EPN1: variants seen among roughly 807,000 people sequenced by gnomAD.
EPN1 encodes the protein epsin-1.
EPN1 carries 25 observed loss-of-function variants against 56.9 expected under a neutral mutation model. That is an observed-to-expected ratio of 0.44 (90% CI 0.32 to 0.61). EPN1 has a LOEUF of 0.61. EPN1 is among the 20% of genes least tolerant of loss of function. The pLI is 0.05. For missense variants in EPN1, 785 were observed against 823.7 expected, an observed-to-expected ratio of 0.95 and a Z score of 0.58; for synonymous variants, 411 against 361.8, an observed-to-expected ratio of 1.14 and a Z score of -1.54.
chr19:55,694,932 C>T lies in EPN1; in HGVS notation c.1471C>T (p.Pro491Ser). 1 of 1,564,568 alleles carries T rather than the reference C, an allele frequency of 6.4e-7. No individual in the cohort carries two copies. The change falls in exon 10 of 11, where the codon CCG becomes TCG. Residue 491 changes from proline to serine, a missense_variant. Transcript: ENST00000270460. This position sits in a 1 kb window ranked among gnomAD's most constrained non-coding sequence, Gnocchi z 4.2. ...CGACCTGGACTCGCTGGTGAGCCGG[C>T]CGGGCCCCACGCCGCCTGGAGCCAA... ...LVDLDSLVSR[P>S]GPTPPGAKAS...
Position 55,704,960 on chromosome 19 carries a change from A to G in EPN1, c.*9604A>G, listed in dbSNP as rs1987324179. The G allele has an allele frequency of 3.3e-5, 5 of 152,344 alleles. No individual in the cohort carries two copies. Among genetic ancestry groups the G allele is most frequent in the Admixed American group, 2.6e-4 (4 of 15,290 alleles). The allele number at this position is 152,344 out of a possible 1,614,324, so 9.4% of individuals were successfully genotyped here. On this transcript the variant is annotated 3_prime_UTR_variant, in exon 11 of 11. Coordinates refer to ENST00000270460, the MANE Select transcript of EPN1 (RefSeq NM_001130072.2). ...TGAATGCTGTTCTCATCCACTTCCC[A>G]AGCATCTCTGGCTGAATGCTGTTCT...
In EPN1 at chr19:55,685,393, C is replaced by T. The variant is rs1198392705; in HGVS notation, c.229-3C>T. The T allele has an allele frequency of 3.1e-6, 5 of 1,609,488 alleles. No homozygotes were observed. The East Asian group carries it at 1.1e-4, about 36-fold the overall frequency. On this transcript the variant is annotated splice_region_variant and splice_polypyrimidine_tract_variant and intron_variant, in intron 2 of 10. Transcript: ENST00000270460. ...GACCGGGCATCCCCGTGCCCGCTCG[C>T]AGGCCATGACGCTGATGGAGTACCT...
chr19:55,678,565 G>T lies in EPN1; in HGVS notation c.-63G>T. 1 of 1,555,062 alleles carries T rather than the reference G, an allele frequency of 6.4e-7. No individual in the cohort carries two copies. Among genetic ancestry groups the T allele is most frequent in the Non-Finnish European group, 8.7e-7 (1 of 1,152,318 alleles). On this transcript the variant is annotated 5_prime_UTR_variant, in exon 2 of 11. Coordinates refer to ENST00000270460, the MANE Select transcript of EPN1 (RefSeq NM_001130072.2). ...CCAGCACCTGCCGCAGCCTTCGTCC[G>T]GGAGTCGCCCCATCTCTCCACGCAT...
Position 55,689,201 on chromosome 19 carries a change from A to G in EPN1, c.604-96A>G, listed in dbSNP as rs1170304175. On this transcript the variant is annotated intron_variant, in intron 4 of 10. Transcript: ENST00000270460. This position sits in a 1 kb window ranked among gnomAD's most constrained non-coding sequence, Gnocchi z 5.7. ...GTCCCTCACTGGTTCAGGGACCCCC[A>G]GCCCTCTCTTTCTTCGGCTCTATCT... 2 of 1,160,138 alleles carry G rather than the reference A, an allele frequency of 1.7e-6. No homozygotes were observed. The highest frequency in any genetic ancestry group is 2.5e-6 in the Non-Finnish European group (2 of 805,580). The allele number at this position is 1,160,138 out of a possible 1,614,324, so 71.9% of individuals were successfully genotyped here.
intron 3 of EPN1, among the ~76,000 whole-genome samples, chr19:55,686,822 G>T (rs539266512): frequency 1.3e-5 from 2 of 152,182 alleles, no homozygotes; most frequent in East Asian, 3.9e-4. Context: ...CAGGCAGGTG[G>T]GTGGCGGGGT....
rs551974890 is a variant in EPN1, at chr19:55,682,943, G to C, written c.229-2453G>C. ...GGCTAATTTTTGTATTTTTAGTAGA[G>C]ATGGGGTTTCACCATATTGGCCAGG... On this transcript the variant is annotated intron_variant, in intron 2 of 10. Coordinates refer to ENST00000270460, the MANE Select transcript of EPN1 (RefSeq NM_001130072.2). Among the ~76,000 whole-genome samples, 4 of 152,014 alleles carry C rather than the reference G, an allele frequency of 2.6e-5. No homozygotes were observed. The South Asian group carries it at 6.2e-4, about 24-fold the overall frequency.
intron 3 of EPN1, among the ~76,000 whole-genome samples, chr19:55,685,947 G>A (rs1414510499): frequency 6.6e-6 from 1 of 152,216 alleles, no homozygotes; most frequent in Non-Finnish European, 1.5e-5. Flanking sequence ...GATCAGTGCT[G>A]GGGACAGGGC....
At position 55,706,926 on chromosome 19, in the gene EPN1, G is replaced by C. The variant is rs1296526419; in HGVS notation, c.*11570G>C. ...GCGGTGGCTCAGGCCTGTAATCCCAGCACTTTGGGAGGCCGAGGCAGGCGG... is the reference window on the plus strand; with the variant it reads ...GCGGTGGCTCAGGCCTGTAATCCCACCACTTTGGGAGGCCGAGGCAGGCGG... On this transcript the variant is annotated 3_prime_UTR_variant, in exon 11 of 11. Coordinates refer to ENST00000270460, the MANE Select transcript of EPN1 (RefSeq NM_001130072.2). The C allele has an allele frequency of 6.6e-6, 1 of 152,160 alleles. No homozygotes were observed. Among genetic ancestry groups the C allele is most frequent in the African/African-American group, 2.4e-5 (1 of 41,368 alleles). 9.4% of individuals were successfully genotyped at this position (152,160 alleles called of 1,614,324 possible). A position where few individuals can be genotyped will look rare whatever the true frequency, so the allele number is the denominator to read the frequency against.
Position 55,694,978 on chromosome 19 carries a change from C to G in EPN1, c.1517C>G (p.Pro506Arg). 1 of 1,556,634 alleles carries G rather than the reference C, an allele frequency of 6.4e-7. No individual in the cohort carries two copies. Among genetic ancestry groups the G allele is most frequent in the Non-Finnish European group, 8.7e-7 (1 of 1,151,964 alleles). ...PGAKASNPFLPGGGPATGPSV... is the reference protein window; with the variant it reads ...PGAKASNPFLRGGGPATGPSV... Reference sequence around the variant, plus strand: ...GCCAAGGCCTCCAACCCCTTCCTGCCAGGCGGTGAGTGTGGGCCCATCACC... The same window carrying G: ...GCCAAGGCCTCCAACCCCTTCCTGCGAGGCGGTGAGTGTGGGCCCATCACC... Residue 506 changes from proline to arginine, a missense_variant, in exon 10 of 11, where the codon CCA (proline) becomes CGA (arginine). Pro to Arg is a moderately radical substitution (Grantham distance 103). Transcript: ENST00000270460. The surrounding 1 kb of genome is among the most constrained non-coding windows in gnomAD (Gnocchi z 4.2).
At position 55,678,775 on chromosome 19, in the gene EPN1, G is replaced by A; in HGVS notation, c.148G>A (p.Val50Ile). The part of the protein sequence containing the change: ...MSEIADLTYN[V>I]VAFSEIMSMI... The stretch of plus-strand genomic sequence containing the variant: ...AGAGATTGCCGACCTCACCTACAAC[G>A]TTGTCGCCTTCTCGGAGATCATGAG... Residue 50 changes from valine (V) to isoleucine (I), a missense_variant, in exon 2 of 11, where the codon GTT becomes ATT. By Grantham distance (29) the Val-to-Ile change is conservative. Around this residue, in one of 2 missense-constraint regions of EPN1, gnomAD observed 135 missense variants for 218.7 expected, o/e 0.62. Coordinates refer to ENST00000270460, the MANE Select transcript of EPN1 (RefSeq NM_001130072.2). The A allele has an allele frequency of 1.2e-6, 2 of 1,614,160 alleles. No individual in the cohort carries two copies. Among genetic ancestry groups the A allele is most frequent in the Non-Finnish European group, 8.5e-7 (1 of 1,180,032 alleles).
In EPN1 at chr19:55,676,021, AGCCCGGCT is replaced by A. The variant is rs1985391863; in HGVS notation, c.-102+590_-102+597del. Among the ~76,000 whole-genome samples, 5 of 152,262 alleles carry A rather than the reference AGCCCGGCT, an allele frequency of 3.3e-5. No homozygotes were observed. The South Asian group carries it at 1.0e-3, about 32-fold the overall frequency. Reference sequence around the variant, plus strand: ...GAAGAGCCCCAGCCTTGGATTCAGAAGCCCGGCTGCCTGCTAAGCTGTGTAATTGCCAG... The same window carrying A: ...GAAGAGCCCCAGCCTTGGATTCAGAAGCCTGCTAAGCTGTGTAATTGCCAG... On this transcript the variant is annotated intron_variant, in intron 1 of 10. Coordinates refer to ENST00000270460, the MANE Select transcript of EPN1 (RefSeq NM_001130072.2).
intron 2 of EPN1, among the ~76,000 whole-genome samples, chr19:55,680,487 C>G (rs1454829120): frequency 6.6e-6 from 1 of 152,200 alleles, no homozygotes; most frequent in African/African-American, 2.4e-5. Context: ...CCACCCTGAA[C>G]CACTGGTTCC....
At position 55,704,296 on chromosome 19, in the gene EPN1, C is replaced by G. The variant is rs1987288352; in HGVS notation, c.*8940C>G. The stretch of plus-strand genomic sequence containing the variant: ...CCCTCCTGAAAGCTCTATGTTGAAA[C>G]CCTACCCCCCACCCTGCACCGACCC... On this transcript the variant is annotated 3_prime_UTR_variant, in exon 11 of 11. Coordinates refer to ENST00000270460, the MANE Select transcript of EPN1 (RefSeq NM_001130072.2). 1 of 152,312 alleles carries G rather than the reference C, an allele frequency of 6.6e-6. No individual in the cohort carries two copies. The highest frequency in any genetic ancestry group is 2.1e-4 in the South Asian group (1 of 4,830). The allele number at this position is 152,312 out of a possible 1,614,324, so 9.4% of individuals were successfully genotyped here. A position where few individuals can be genotyped will look rare whatever the true frequency, so the allele number is the denominator to read the frequency against.
rs918825689 is a variant in EPN1 at position 55,695,006 on chromosome 19, C to T, written c.1522+23C>T. On this transcript the variant is annotated intron_variant, in intron 10 of 10. Transcript: ENST00000270460. The surrounding 1 kb of genome is among the most constrained non-coding windows in gnomAD (Gnocchi z 4.4). ...GCGGTGAGTGTGGGCCCATCACCTG[C>T]TCAAGTCCTTCCTGTGGGTTCCACC... 3.3e-5 allele frequency: 52 copies of T among 1,559,318 alleles called. No individual in the cohort carries two copies. The highest frequency in any genetic ancestry group is 4.1e-5 in the Non-Finnish European group (47 of 1,153,150).
At position 55,691,894 on chromosome 19, in the gene EPN1, C is replaced by T; in HGVS notation, c.903C>T (p.Val301=). 2 of 1,599,214 alleles carry T rather than the reference C, an allele frequency of 1.3e-6. No individual in the cohort carries two copies. The highest frequency in any genetic ancestry group is 1.7e-6 in the Non-Finnish European group (2 of 1,173,002). ...CGGACCCCTGGGGCGGCCCCCCTGT[C>T]CCTCCAGCTGCTGATCCCTGGGGAG... ...PTSDPWGGPP[V]PPAADPWGGP... The change falls in exon 7 of 11, where the codon GTC becomes GTT. Residue 301 remains valine (V), a synonymous_variant. Coordinates refer to ENST00000270460, the MANE Select transcript of EPN1 (RefSeq NM_001130072.2). The surrounding 1 kb of genome is among the most constrained non-coding windows in gnomAD (Gnocchi z 5.6).
Position 55,697,397 on chromosome 19 carries a change from GA to G in EPN1, c.*2042del, listed in dbSNP as rs1244588981. The G allele has an allele frequency of 6.6e-6, 1 of 152,194 alleles. No homozygotes were observed. The highest frequency in any genetic ancestry group is 1.5e-5 in the Non-Finnish European group (1 of 68,052). 9.4% of individuals were successfully genotyped at this position (152,194 alleles called of 1,614,324 possible). ...CAGACCCTCCATTCACCAAATTAAG[GA>G]TAAGTTTCACGATTTCGCACTGCGG... On this transcript the variant is annotated 3_prime_UTR_variant, in exon 11 of 11. Transcript: ENST00000270460.
Position 55,702,783 on chromosome 19 carries a change from TTTC to T in EPN1, c.*7430_*7432del, listed in dbSNP as rs1355455139. Reference sequence around the variant, plus strand: ...CGTTCATCTAAGCCGCATTTACTCCTTTCTTTTCTTTCACTGTTGTTTTTTTTT... The same window carrying T: ...CGTTCATCTAAGCCGCATTTACTCCTTTTTCTTTCACTGTTGTTTTTTTTT... On this transcript the variant is annotated 3_prime_UTR_variant, in exon 11 of 11. Coordinates refer to ENST00000270460, the MANE Select transcript of EPN1 (RefSeq NM_001130072.2). 7.1e-6 allele frequency: 1 copy of T among 140,212 alleles called. No individual in the cohort carries two copies. Among genetic ancestry groups the T allele is most frequent in the African/African-American group, 3.0e-5 (1 of 33,656 alleles). 8.7% of individuals were successfully genotyped at this position (140,212 alleles called of 1,614,324 possible). A position where few individuals can be genotyped will look rare whatever the true frequency, so the allele number is the denominator to read the frequency against.
chr19:55,709,246 A>G lies in EPN1; in HGVS notation c.*13890A>G, dbSNP rs186622239. 5.3e-6 allele frequency: 2 copies of G among 379,172 alleles called. No individual in the cohort carries two copies. The highest frequency in any genetic ancestry group is 6.9e-5 in the South Asian group (1 of 14,492). The allele number at this position is 379,172 out of a possible 1,614,324, so 23.5% of individuals were successfully genotyped here. ...GATTTATACCATAAAGTGAAATTTCATATACAGGATGTATCAATTAAGATT... is the reference window on the plus strand; with the variant it reads ...GATTTATACCATAAAGTGAAATTTCGTATACAGGATGTATCAATTAAGATT... On this transcript the variant is annotated 3_prime_UTR_variant, in exon 11 of 11. Transcript: ENST00000270460.
In EPN1 at chr19:55,707,581, CTT is replaced by C. The variant is rs1395836408; in HGVS notation, c.*12228_*12229del. 2 of 154,590 alleles carry C rather than the reference CTT, an allele frequency of 1.3e-5. No homozygotes were observed. Among genetic ancestry groups the C allele is most frequent in the Middle Eastern group, 5.2e-4 (1 of 1,924 alleles). The allele number at this position is 154,590 out of a possible 1,614,324, so 9.6% of individuals were successfully genotyped here. On this transcript the variant is annotated 3_prime_UTR_variant, in exon 11 of 11. Transcript: ENST00000270460. ...GACCACCTGGAAACCCTCCCCATGT[CTT>C]TTCAGAACAATGTCCTAAGAACCAT...
Sources: gnomAD v4.1 joint callset for allele counts (sites outside exome capture counted in the v4.1 genomes callset) on GRCh38, gnomAD v4.1.1 for gene constraint, gnomAD v4.1.1 regional missense constraint, Gnocchi (gnomAD v3.1) non-coding constraint, MANE v1.5 for transcripts, NCBI Gene and HGNC (gene_info 2026-07-23, HGNC 2026-07-21) for gene names.